The following GAS2L2 variants were observed in gnomAD, a reference collection of about 807,000 sequenced individuals.
GAS2L2 encodes GAS2-like protein 2.
Under a neutral mutation model 35.2 loss-of-function variants are expected in GAS2L2, and 21 were observed. The observed-to-expected ratio is 0.60, with a 90% CI of 0.42 to 0.86. GAS2L2 has a LOEUF of 0.86. Among genes scored for constraint, GAS2L2 ranks in the 40% least tolerant of loss-of-function variants. The pLI, the probability that GAS2L2 is intolerant of heterozygous loss-of-function variation, is 0.00. For missense variants in GAS2L2, 1,169 were observed against 1,144.4 expected, an observed-to-expected ratio of 1.02 and a Z score of -0.31; for synonymous variants, 490 against 473.2, an observed-to-expected ratio of 1.04 and a Z score of -0.46.
chr17:35,751,674 A>T (rs1249150377), intron 1 of GAS2L2, among the ~76,000 whole-genome samples: 1 of 151,438 alleles, frequency 6.6e-6, no homozygotes, highest in Non-Finnish European at 1.5e-5. Context: ...TTTCAAAAAA[A>T]AAAAAAGACT....
chr17:35,747,342 C>T (rs1212564431), intron 4 of GAS2L2, 74 bp from the exon 5 acceptor site: 8 of 1,463,962 alleles, frequency 5.5e-6, no homozygotes, highest in African/African-American at 2.8e-5. Context: ...TTGTTCCTCC[C>T]CCAGTGGTCC....
rs375108891 is a variant in GAS2L2, at chr17:35,745,154, C to G, written c.2343G>C (p.Arg781=). ...TCTCAGGCCTGTGGTCTCTCCGGGGCCGAATCCTGGGTCTCAGCTTCAGCT... is the reference window on the plus strand; with the variant it reads ...TCTCAGGCCTGTGGTCTCTCCGGGGGCGAATCCTGGGTCTCAGCTTCAGCT... The part of the protein sequence containing the change: ...IYKLKLRPRI[R]PRRDHRPEKQ... Residue 781 remains arginine (R), a synonymous_variant, in exon 6 of 6, where the codon CGG becomes CGC. Coordinates refer to ENST00000604641, the MANE Select transcript of GAS2L2 (RefSeq NM_139285.4). 1.1e-4 allele frequency: 183 copies of G among 1,612,844 alleles called. 1 individual carries two copies. In the Middle Eastern group the frequency reaches 1.5e-3, roughly 13 times the overall value.
rs1598392614 is a variant in GAS2L2, at chr17:35,744,593, T to G, written c.*261A>C. 4.6e-6 allele frequency: 2 copies of G among 432,932 alleles called. No homozygotes were observed. The highest frequency in any genetic ancestry group is 6.1e-5 in the South Asian group (1 of 16,502). 26.8% of individuals were successfully genotyped at this position (432,932 alleles called of 1,614,324 possible). A position where few individuals can be genotyped will look rare whatever the true frequency, so the allele number is the denominator to read the frequency against. ...ATGGCCAGGGGCCAGAGGCCAGGAG[T>G]GTGGTGAGCCGTTCTAGGGGAGAGT... On this transcript the variant is annotated 3_prime_UTR_variant, in exon 6 of 6. Coordinates refer to ENST00000604641, the MANE Select transcript of GAS2L2 (RefSeq NM_139285.4).
rs1555598799 is a variant in GAS2L2 at position 35,745,669 on chromosome 17, C to A, written c.1828G>T (p.Gly610Cys). ...CTGACTTCTAGCAGCTTCATGTTGC[C>A]CAAAATCTCCTCTTCAAGGCTACAG... ...IYCSLEEEILGNMKLLEVRSA... is the reference protein window; with the variant it reads ...IYCSLEEEILCNMKLLEVRSA... Residue 610 changes from glycine to cysteine, a missense_variant, in exon 6 of 6, where the codon GGC becomes TGC. Gly to Cys is a radical substitution (Grantham distance 159). This residue lies in a region of GAS2L2 where 1,035 missense variants were observed against 976.5 expected (regional missense o/e 1.06). Transcript: ENST00000604641. The A allele has an allele frequency of 1.2e-6, 2 of 1,613,994 alleles. No individual in the cohort carries two copies. The highest frequency in any genetic ancestry group is 1.1e-5 in the South Asian group (1 of 91,086).
At chr17:35,748,702 T>C (rs2085684685) in intron 3 of GAS2L2, among the ~76,000 whole-genome samples, 1 of 152,228 alleles carries the variant, frequency 6.6e-6, no homozygotes, top group African/African-American at 2.4e-5. Flanking sequence ...GTTCTCAAGC[T>C]GCTTCCTCTA....
chr17:35,745,047 C>A lies in GAS2L2; in HGVS notation c.2450G>T (p.Arg817Ile). 6.2e-7 allele frequency: 1 copy of A among 1,613,986 alleles called. No homozygotes were observed. Among genetic ancestry groups the A allele is most frequent in the African/African-American group, 1.3e-5 (1 of 75,062 alleles). The change falls in exon 6 of 6, where the codon AGA (arginine) becomes ATA (isoleucine). Residue 817 changes from arginine (R) to isoleucine (I), a missense_variant. Physicochemically the swap from Arg to Ile is moderately conservative, Grantham distance 97 (BLOSUM62 -3). This residue lies in a region of GAS2L2 where 1,035 missense variants were observed against 976.5 expected (regional missense o/e 1.06). Coordinates refer to ENST00000604641, the MANE Select transcript of GAS2L2 (RefSeq NM_139285.4). Reference sequence around the variant, plus strand: ...CCCTCCCTTGCTGCCCAGCACAGCTCTCAACAGCCTGTCCTTGGGGGGCTG... The same window carrying A: ...CCCTCCCTTGCTGCCCAGCACAGCTATCAACAGCCTGTCCTTGGGGGGCTG... ...ARQPPKDRLL[R>I]AVLGSKGGEA... is the part of the protein sequence containing the mutation.
In GAS2L2 at chr17:35,745,127, C is replaced by T; in HGVS notation, c.2370G>A (p.Lys790=). The stretch of plus-strand genomic sequence containing the variant: ...GTGGCCTGGGGATTCGTGAAGGCTG[C>T]TTCTCAGGCCTGTGGTCTCTCCGGG... ...IRPRRDHRPE[K]QPSRIPRPLA... Residue 790 remains lysine, a synonymous_variant, in exon 6 of 6, where the codon AAG becomes AAA. Transcript: ENST00000604641. 6.2e-7 allele frequency: 1 copy of T among 1,613,474 alleles called. No individual in the cohort carries two copies. Among genetic ancestry groups the T allele is most frequent in the Non-Finnish European group, 8.5e-7 (1 of 1,179,626 alleles).
chr17:35,745,337 TG>T lies in GAS2L2; in HGVS notation c.2159del (p.Pro720HisfsTer36). The T allele has an allele frequency of 6.2e-7, 1 of 1,608,584 alleles. No individual in the cohort carries two copies. Among genetic ancestry groups the T allele is most frequent in the South Asian group, 1.1e-5 (1 of 90,522 alleles). ...CCGAGCAGTCCTGCCCTCCCTGAGG[TG>T]GGACCTTCCTCATGTGGGTGCCCTT... The part of the protein sequence containing the change: ...SAKGTHMRKV[P>X]PQGGQDCSAS... On this transcript the variant is annotated frameshift_variant, in exon 6 of 6. Transcript: ENST00000604641. LOFTEE classifies it low-confidence loss of function (END_TRUNC).
rs150279630 is a variant in GAS2L2 at position 35,745,999 on chromosome 17, G to C, written c.1498C>G (p.Leu500Val). ...GGCAGCCGGATGGGGATCTTGGTTA[G>C]GCCTTGGACAGGGGTTGGAGAACGG... ...SVRSPTPVQGLTKIPIRLPPA... is the reference protein window; with the variant it reads ...SVRSPTPVQGVTKIPIRLPPA... Residue 500 changes from leucine (L) to valine (V), a missense_variant, in exon 6 of 6, where the codon CTA becomes GTA. This residue lies in a region of GAS2L2 where 1,035 missense variants were observed against 976.5 expected (regional missense o/e 1.06). Coordinates refer to ENST00000604641, the MANE Select transcript of GAS2L2 (RefSeq NM_139285.4). The C allele has an allele frequency of 7.5e-4, 1,181 of 1,581,484 alleles. 12 individuals carry two copies. In the African/African-American group the frequency reaches 0.014, roughly 19 times the overall value.
intron 3 of GAS2L2, among the ~76,000 whole-genome samples, chr17:35,748,767 C>T (rs587639285): frequency 7.0e-4 from 107 of 152,280 alleles, no homozygotes; most frequent in African/African-American, 2.5e-3. Flanking sequence ...TCTCCATACC[C>T]CACTCTGCCT....
intron 1 of GAS2L2, among the ~76,000 whole-genome samples, chr17:35,752,042 G>A (rs2085707101): frequency 6.6e-6 from 1 of 151,794 alleles, no homozygotes; most frequent in Admixed American, 6.6e-5. Flanking sequence ...GTTAGGCCGG[G>A]CTGGTCTTGA....
At chr17:35,751,833 CCTCTCT>C (rs1220248458) in intron 1 of GAS2L2, among the ~76,000 whole-genome samples, 10 of 146,534 alleles carry the variant, frequency 6.8e-5, no homozygotes, top group Non-Finnish European at 1.0e-4. Flanking sequence ...TATCCCTCTA[CCTCTCT>C]CTCTCTCTCT....
intron 3 of GAS2L2, 138 bp from the exon 4 acceptor site, chr17:35,748,083 A>G (rs372143481): frequency 3.1e-4 from 178 of 567,352 alleles, no homozygotes; most frequent in African/African-American, 2.4e-3. Flanking sequence ...TGTGTGCTGT[A>G]AAAAGGCAGC....
At position 35,747,074 on chromosome 17, in the gene GAS2L2, G is replaced by A. The variant is rs1555599078; in HGVS notation, c.1027C>T (p.Pro343Ser). 2.5e-6 allele frequency: 4 copies of A among 1,611,274 alleles called. No individual in the cohort carries two copies. The highest frequency in any genetic ancestry group is 4.5e-5 in the East Asian group (2 of 44,860). The change falls in exon 5 of 6, where the codon CCC becomes TCC. Residue 343 changes from proline (P) to serine (S), a missense_variant. Transcript: ENST00000604641. ...GTCCCTGCTCCCCGTTCCCTGCGGG[G>A]TCTGGGGGAGGATGGGGTGGGGGGC... ...LRPPTPSSPR[P>S]RRERGAGTGA...
chr17:35,748,002 C>T, intron 3 of GAS2L2, 57 bp from the exon 4 acceptor site: 3 of 1,382,156 alleles, frequency 2.2e-6, no homozygotes, highest in Admixed American at 1.7e-5. Context: ...TCTTCCTGGA[C>T]CAGCTCGCGG....
At position 35,746,278 on chromosome 17, in the gene GAS2L2, A is replaced by G. The variant is rs201387695; in HGVS notation, c.1219T>C (p.Tyr407His). 2 of 1,442,714 alleles carry G rather than the reference A, an allele frequency of 1.4e-6. No homozygotes were observed. The highest frequency in any genetic ancestry group is 2.4e-5 in the East Asian group (1 of 42,212). 89.4% of individuals were successfully genotyped at this position (1,442,714 alleles called of 1,614,324 possible). ...CTTCCCCTGGGGAGTTCAGGGGGGT[A>G]TCTCTCCTCCCTCTTTCCTGACGAG... is the stretch of plus-strand genomic sequence containing the variant. ...CTSSGKREER[Y>H]PPELPRGRIP... Residue 407 changes from tyrosine (Y) to histidine (H), a missense_variant, in exon 6 of 6, where the codon TAC becomes CAC. This residue lies in a region of GAS2L2 where 1,035 missense variants were observed against 976.5 expected (regional missense o/e 1.06). Coordinates refer to ENST00000604641, the MANE Select transcript of GAS2L2 (RefSeq NM_139285.4).
In GAS2L2 at chr17:35,747,066, C is replaced by T. The variant is rs782107283; in HGVS notation, c.1035G>A (p.Arg345=). 6.2e-7 allele frequency: 1 copy of T among 1,609,124 alleles called. No individual in the cohort carries two copies. The highest frequency in any genetic ancestry group is 8.5e-7 in the Non-Finnish European group (1 of 1,177,216). ...AGGCCCCCGTCCCTGCTCCCCGTTC[C>T]CTGCGGGGTCTGGGGGAGGATGGGG... ...PPTPSSPRPR[R]ERGAGTGASR... is the part of the protein sequence containing the mutation. Residue 345 remains arginine (R), a synonymous_variant, in exon 5 of 6, where the codon AGG becomes AGA. Transcript: ENST00000604641.
In GAS2L2 at chr17:35,745,985, G is replaced by A. The variant is rs140776164; in HGVS notation, c.1512C>T (p.Pro504=). 387 of 1,594,830 alleles carry A rather than the reference G, an allele frequency of 2.4e-4. No homozygotes were observed. The highest frequency in any genetic ancestry group is 3.1e-4 in the Non-Finnish European group (367 of 1,168,746). The change falls in exon 6 of 6, where the codon CCC becomes CCT. Residue 504 remains proline (P), a synonymous_variant. Transcript: ENST00000604641. ...PTPVQGLTKI[P]IRLPPARPPT... ...GGGGGCGAGCAGGGGGCAGCCGGAT[G>A]GGGATCTTGGTTAGGCCTTGGACAG... is the stretch of plus-strand genomic sequence containing the variant.
chr17:35,751,833 C>CCTCT (rs1220248458), intron 1 of GAS2L2, among the ~76,000 whole-genome samples: 64 of 146,646 alleles, frequency 4.4e-4, no homozygotes, highest in Non-Finnish European at 8.4e-4. Flanking sequence ...TATCCCTCTA[C>CCTCT]CTCTCTCTCT....
Sources: allele counts gnomAD v4.1 joint callset (sites outside exome capture counted in the v4.1 genomes callset), GRCh38; gene constraint gnomAD v4.1.1; regional missense constraint gnomAD v4.1.1; transcripts MANE v1.5; gene names NCBI Gene and HGNC (gene_info 2026-07-23, HGNC 2026-07-21).